Variants in DRC11 observed in about 807,000 individuals in gnomAD.
The protein encoded by DRC11 is IQ and AAA domain-containing protein 1.
At chr2:236,343,865 C>G in the DRC11 span, 1 of 628,466 alleles carries the variant, frequency 1.6e-6, no homozygotes, top group Non-Finnish European at 2.6e-6. This position sits in a 1 kb window ranked among gnomAD's most constrained non-coding sequence, Gnocchi z 6.6. Flanking sequence ...TGAGCTTCCA[C>G]TCTTTATCCA....
At chr2:236,314,344 G>A in the DRC11 span, among the ~76,000 whole-genome samples, 4 of 152,194 alleles carry the variant, frequency 2.6e-5, no homozygotes, top group Non-Finnish European at 5.9e-5. This position sits in a 1 kb window ranked among gnomAD's most constrained non-coding sequence, Gnocchi z 4.5. Flanking sequence ...ATGTGATAAA[G>A]TATAGTTTCA....
chr2:236,475,044 T>A, the DRC11 span, among the ~76,000 whole-genome samples: 1 of 152,136 alleles, frequency 6.6e-6, no homozygotes, highest in African/African-American at 2.4e-5. The surrounding 1 kb of genome is among the most constrained non-coding windows in gnomAD (Gnocchi z 4.8). Context: ...TATACTCACT[T>A]TATTGAACTA....
chr2:236,448,408 C>T, the DRC11 span, among the ~76,000 whole-genome samples: 2 of 152,174 alleles, frequency 1.3e-5, no homozygotes, highest in Non-Finnish European at 2.9e-5. This position sits in a 1 kb window ranked among gnomAD's most constrained non-coding sequence, Gnocchi z 5.3. Flanking sequence ...GAGTCTCACT[C>T]ACTCTGTCGC....
the DRC11 span, among the ~76,000 whole-genome samples, chr2:236,386,043 G>A: frequency 1.3e-5 from 2 of 148,446 alleles, no homozygotes; most frequent in Non-Finnish European, 3.0e-5. Flanking sequence ...GCTTTTTGAT[G>A]TGCTGCTGGA....
At chr2:236,416,735 A>ATATATATATATT in the DRC11 span, among the ~76,000 whole-genome samples, 2 of 49,250 alleles carry the variant, frequency 4.1e-5, no homozygotes, top group East Asian at 1.1e-3. Flanking sequence ...ATATATATAT[A>ATATATATATATT]TATATATATA....
the DRC11 span, chr2:236,392,033 CTTTAAGTT>C: frequency 1.9e-6 from 3 of 1,614,004 alleles, no homozygotes; most frequent in Non-Finnish European, 2.5e-6. The surrounding 1 kb of genome is among the most constrained non-coding windows in gnomAD (Gnocchi z 5.1). Context: ...CCACAGCTAG[CTTTAAGTT>C]TTTAAGTTCC....
chr2:236,379,323 A>AGGGAG, the DRC11 span, among the ~76,000 whole-genome samples: 1 of 85,370 alleles, frequency 1.2e-5, no homozygotes, highest in Non-Finnish European at 2.7e-5. Flanking sequence ...CGACAGGACC[A>AGGGAG]AGGGGAGGGA....
At chr2:236,376,176 A>G in the DRC11 span, among the ~76,000 whole-genome samples, 1 of 152,228 alleles carries the variant, frequency 6.6e-6, no homozygotes, top group Non-Finnish European at 1.5e-5. This position sits in a 1 kb window ranked among gnomAD's most constrained non-coding sequence, Gnocchi z 5.7. Flanking sequence ...TTTAACCTGA[A>G]TCGAATAATG....
chr2:236,483,048 C>T, the DRC11 span, among the ~76,000 whole-genome samples: 2 of 152,144 alleles, frequency 1.3e-5, no homozygotes, highest in African/African-American at 4.8e-5. This position sits in a 1 kb window ranked among gnomAD's most constrained non-coding sequence, Gnocchi z 4.8. Flanking sequence ...CCCTTTTCTC[C>T]TTCCCCCAGT....
chr2:236,453,359 A>G, the DRC11 span, among the ~76,000 whole-genome samples: 1 of 152,234 alleles, frequency 6.6e-6, no homozygotes, highest in African/African-American at 2.4e-5. The surrounding 1 kb of genome is among the most constrained non-coding windows in gnomAD (Gnocchi z 4.9). Context: ...ATCAAGTGCT[A>G]AATGAATATC....
At chr2:236,354,952 G>A in the DRC11 span, among the ~76,000 whole-genome samples, 5 of 152,282 alleles carry the variant, frequency 3.3e-5, no homozygotes, top group African/African-American at 7.2e-5. Flanking sequence ...AGCTGGACCC[G>A]GCTACATGGC....
At chr2:236,338,997 T>C in the DRC11 span, among the ~76,000 whole-genome samples, 12 of 152,274 alleles carry the variant, frequency 7.9e-5, no homozygotes, top group South Asian at 2.5e-3. Flanking sequence ...TCTGACCATG[T>C]TGCCATGGGC....
At chr2:236,402,185 T>C in the DRC11 span, among the ~76,000 whole-genome samples, 3 of 151,880 alleles carry the variant, frequency 2.0e-5, no homozygotes, top group South Asian at 4.2e-4. The surrounding 1 kb of genome is among the most constrained non-coding windows in gnomAD (Gnocchi z 6.0). Context: ...GCACACTTGG[T>C]TGCCTCAGTT....
At chr2:236,336,221 T>A in the DRC11 span, among the ~76,000 whole-genome samples, 1 of 152,302 alleles carries the variant, frequency 6.6e-6, no homozygotes, top group Non-Finnish European at 1.5e-5. This position sits in a 1 kb window ranked among gnomAD's most constrained non-coding sequence, Gnocchi z 7.3. Context: ...GCAAACACAG[T>A]GGCTAATAAG....
chr2:236,454,049 C>A, the DRC11 span, among the ~76,000 whole-genome samples: 1 of 152,156 alleles, frequency 6.6e-6, no homozygotes, highest in African/African-American at 2.4e-5. The surrounding 1 kb of genome is among the most constrained non-coding windows in gnomAD (Gnocchi z 5.3). Context: ...TTCTTCAGGT[C>A]ATGCCCCATC....
At chr2:236,463,426 T>C in the DRC11 span, among the ~76,000 whole-genome samples, 2 of 152,190 alleles carry the variant, frequency 1.3e-5, no homozygotes, top group African/African-American at 4.8e-5. This position sits in a 1 kb window ranked among gnomAD's most constrained non-coding sequence, Gnocchi z 5.0. Flanking sequence ...CATTTTGCTA[T>C]AAAATATACC....
the DRC11 span, among the ~76,000 whole-genome samples, chr2:236,457,648 C>A: frequency 5.9e-5 from 9 of 152,206 alleles, no homozygotes; most frequent in East Asian, 1.7e-3. The surrounding 1 kb of genome is among the most constrained non-coding windows in gnomAD (Gnocchi z 4.7). Flanking sequence ...CCAAGTATGT[C>A]CTAAATGCAG....
At chr2:236,434,040 T>C in the DRC11 span, among the ~76,000 whole-genome samples, 5 of 152,368 alleles carry the variant, frequency 3.3e-5, no homozygotes, top group African/African-American at 1.2e-4. The surrounding 1 kb of genome is among the most constrained non-coding windows in gnomAD (Gnocchi z 5.5). Context: ...TTTGGATTTT[T>C]TAATACGATG....
chr2:236,323,635 C>A, the DRC11 span, among the ~76,000 whole-genome samples: 1 of 152,194 alleles, frequency 6.6e-6, no homozygotes. This position sits in a 1 kb window ranked among gnomAD's most constrained non-coding sequence, Gnocchi z 6.4. Flanking sequence ...GGAATCCTGG[C>A]AAAACCTGGA....
Sources: gnomAD v4.1 joint callset for allele counts (sites outside exome capture counted in the v4.1 genomes callset) on GRCh38, gnomAD v4.1.1 for gene constraint, Gnocchi (gnomAD v3.1) non-coding constraint, MANE v1.5 for transcripts, NCBI Gene and HGNC (gene_info 2026-07-23, HGNC 2026-07-21) for gene names.